The following TBCD variants were observed in gnomAD, a reference collection of about 807,000 sequenced individuals.
TBCD encodes the protein tubulin-specific chaperone D.
In TBCD, 105 loss-of-function variants were observed where a neutral mutation model predicts 169.3. That is an observed-to-expected ratio of 0.62 (90% CI 0.53 to 0.73). The LOEUF is 0.73. Ranked by LOEUF, TBCD falls within the 30% of genes least tolerant of loss-of-function variation. TBCD has a pLI of 0.00. For missense variants in TBCD, 1,444 were observed against 1,600.1 expected (o/e 0.90, Z 1.66); for synonymous variants, 700 against 643.9 (o/e 1.09, Z -1.32).
chr17:82,828,379 C>G (rs979642258), intron 13 of TBCD, among the ~76,000 whole-genome samples: 1 of 111,426 alleles, frequency 9.0e-6, no homozygotes, highest in Non-Finnish European at 1.9e-5. Context: ...AATGTGCACT[C>G]ACAGATACAT....
chr17:82,774,643 C>G (rs1366617686), intron 6 of TBCD, among the ~76,000 whole-genome samples: 1 of 152,142 alleles, frequency 6.6e-6, no homozygotes, highest in Non-Finnish European at 1.5e-5. Context: ...AGGCACCCCC[C>G]ACCTCCCAGA....
intron 13 of TBCD, chr17:82,858,451 C>T (rs762353822): frequency 7.1e-5 from 31 of 436,648 alleles, no homozygotes; most frequent in East Asian, 1.6e-4. Context: ...CAGGCCTATT[C>T]GGCATTTAAA....
At chr17:82,764,335 C>G (rs891479950) in intron 3 of TBCD, among the ~76,000 whole-genome samples, 2 of 152,152 alleles carry the variant, frequency 1.3e-5, no homozygotes, top group Non-Finnish European at 1.5e-5. Context: ...GAGACTAAAT[C>G]AGAAAAACTT....
At chr17:82,777,900 C>G (rs2048701577) in intron 6 of TBCD, among the ~76,000 whole-genome samples, 1 of 152,200 alleles carries the variant, frequency 6.6e-6, no homozygotes, top group African/African-American at 2.4e-5. Flanking sequence ...TTCCTTGACA[C>G]TAACGCTACC....
chr17:82,788,384 T>C (rs2049458928), intron 7 of TBCD, among the ~76,000 whole-genome samples: 2 of 152,070 alleles, frequency 1.3e-5, no homozygotes, highest in South Asian at 2.1e-4. Flanking sequence ...GTTCTCACAA[T>C]GGCTGGGAGG....
chr17:82,855,128 A>G (rs1429721004), intron 13 of TBCD, among the ~76,000 whole-genome samples: 1 of 148,460 alleles, frequency 6.7e-6, no homozygotes, highest in Non-Finnish European at 1.5e-5. Flanking sequence ...TTCGCCCCAT[A>G]TGGGCCACTT....
At chr17:82,837,273 G>A (rs2054070097) in intron 13 of TBCD, among the ~76,000 whole-genome samples, 1 of 152,226 alleles carries the variant, frequency 6.6e-6, no homozygotes, top group Admixed American at 6.5e-5. Flanking sequence ...GGCTGTCACA[G>A]CTGTCTGTGG....
intron 2 of TBCD, among the ~76,000 whole-genome samples, chr17:82,762,359 T>C (rs1226486906): frequency 1.3e-5 from 2 of 150,856 alleles, no homozygotes; most frequent in African/African-American, 4.9e-5. Flanking sequence ...AAAATGTTTA[T>C]GTACAAGTTT....
In TBCD at chr17:82,903,295, A is replaced by T; in HGVS notation, c.1731-110A>T. On this transcript the variant is annotated intron_variant, in intron 18 of 38. Coordinates refer to ENST00000355528, the MANE Select transcript of TBCD (RefSeq NM_005993.5). This position sits in a 1 kb window ranked among gnomAD's most constrained non-coding sequence, Gnocchi z 4.8. ...TGAGTGAGTGAGTGAGCCTCTGCTA[A>T]GTGGCCGGTTGAGGACTCGTGTGTT... 1 of 985,148 alleles carries T rather than the reference A, an allele frequency of 1.0e-6. No homozygotes were observed. The highest frequency in any genetic ancestry group is 1.6e-6 in the Non-Finnish European group (1 of 645,132). 61.0% of individuals were successfully genotyped at this position (985,148 alleles called of 1,614,324 possible).
In TBCD at chr17:82,907,782, C is replaced by T. The variant is rs371957541; in HGVS notation, c.1944C>T (p.Asp648=). Residue 648 remains aspartate, a synonymous_variant, in exon 21 of 39, where the codon GAC becomes GAT. Coordinates refer to ENST00000355528, the MANE Select transcript of TBCD (RefSeq NM_005993.5). The stretch of plus-strand genomic sequence containing the variant: ...GCAGGCCCGTCACGGACCATCTGGA[C>T]GAGCAGGCAGTGCAGGGCCTGAAGC... ...QENRPVTDHL[D]EQAVQGLKQI... 15 of 1,613,760 alleles carry T rather than the reference C, an allele frequency of 9.3e-6. No homozygotes were observed. The highest frequency in any genetic ancestry group is 1.2e-5 in the Non-Finnish European group (14 of 1,179,790).
intron 13 of TBCD, among the ~76,000 whole-genome samples, chr17:82,822,540 C>T (rs555024409): frequency 1.3e-5 from 2 of 152,238 alleles, no homozygotes; most frequent in African/African-American, 4.8e-5. Context: ...CAGAAAAGCG[C>T]CTGGGGGCCA....
chr17:82,944,648 A>T lies in TBCD; in HGVS notation c.*2185A>T, dbSNP rs2063553238. ...GAAGTGGAGCAAGCTTTGTGAGTTTAGAGAGCAGCAAGAAGCCAGTATCCC... is the reference window on the plus strand; with the variant it reads ...GAAGTGGAGCAAGCTTTGTGAGTTTTGAGAGCAGCAAGAAGCCAGTATCCC... On this transcript the variant is annotated 3_prime_UTR_variant, in exon 39 of 39. Transcript: ENST00000355528. 6.6e-6 allele frequency: 1 copy of T among 152,228 alleles called. No individual in the cohort carries two copies. Among genetic ancestry groups the T allele is most frequent in the African/African-American group, 2.4e-5 (1 of 41,442 alleles). The allele number at this position is 152,228 out of a possible 1,614,324, so 9.4% of individuals were successfully genotyped here. A position where few individuals can be genotyped will look rare whatever the true frequency, so the allele number is the denominator to read the frequency against.
intron 13 of TBCD, among the ~76,000 whole-genome samples, chr17:82,848,312 G>T (rs1194494900): frequency 1.3e-5 from 2 of 152,194 alleles, no homozygotes; most frequent in African/African-American, 4.8e-5. Flanking sequence ...CTCCTCTCCT[G>T]TGCGGATTGG....
intron 7 of TBCD, among the ~76,000 whole-genome samples, chr17:82,788,626 C>A (rs113006721): frequency 6.6e-6 from 1 of 152,162 alleles, no homozygotes; most frequent in African/African-American, 2.4e-5. Flanking sequence ...GTCAGCCTCA[C>A]TCCCAGCTCC....
chr17:82,877,450 ATTC>A (rs1478407856), intron 14 of TBCD, among the ~76,000 whole-genome samples: 1 of 152,034 alleles, frequency 6.6e-6, no homozygotes, highest in African/African-American at 2.4e-5. Flanking sequence ...GGTTCAAGCA[ATTC>A]TTCTGCCTGC....
intron 12 of TBCD, among the ~76,000 whole-genome samples, chr17:82,810,479 G>A (rs1034510789): frequency 4.6e-5 from 7 of 152,192 alleles, no homozygotes; most frequent in African/African-American, 1.7e-4. Flanking sequence ...CGTGTGCTGT[G>A]CCGCATTTCT....
intron 20 of TBCD, 148 bp from the exon 21 acceptor site, chr17:82,907,613 G>A: frequency 1.2e-6 from 1 of 803,676 alleles, no homozygotes; most frequent in Non-Finnish European, 2.1e-6. Flanking sequence ...ACTGGGACCT[G>A]AACAAGAATG....
Position 82,885,301 on chromosome 17 carries a change from T to TTC in TBCD, c.1533+1112_1533+1113dup, listed in dbSNP as rs556159295. Among the ~76,000 whole-genome samples, 1,269 of 151,708 alleles carry TTC rather than the reference T, an allele frequency of 8.4e-3. 9 individuals are homozygous for TTC. The highest frequency in any genetic ancestry group is 0.013 in the Non-Finnish European group (907 of 67,804). ...TGGGGCCGTGCAGGTGCAGTGTTGGTTCTCTCTCTCTCTCAAATGCAGGAG... is the reference window on the plus strand; with the variant it reads ...TGGGGCCGTGCAGGTGCAGTGTTGGTTCTCTCTCTCTCTCTCAAATGCAGGAG... On this transcript the variant is annotated intron_variant, in intron 15 of 38. Transcript: ENST00000355528.
intron 11 of TBCD, among the ~76,000 whole-genome samples, chr17:82,808,652 C>T (rs1323918657): frequency 4.0e-5 from 3 of 75,360 alleles, no homozygotes; most frequent in Admixed American, 1.8e-4. Context: ...GTGGAGGGGA[C>T]AAGGCAGGTG....
Sources: gnomAD v4.1 joint callset for allele counts (sites outside exome capture counted in the v4.1 genomes callset) on GRCh38, gnomAD v4.1.1 for gene constraint, Gnocchi (gnomAD v3.1) non-coding constraint, MANE v1.5 for transcripts, NCBI Gene and HGNC (gene_info 2026-07-23, HGNC 2026-07-21) for gene names.